GRIK4: variants seen among roughly 807,000 people sequenced by gnomAD.
The protein encoded by GRIK4 is glutamate receptor ionotropic, kainate 4.
In GRIK4, 40 loss-of-function variants were observed where a neutral mutation model predicts 104.9. The observed-to-expected ratio is 0.38, with a 90% CI of 0.30 to 0.50. The LOEUF (loss-of-function observed/expected upper bound fraction) is 0.50. Ranked by LOEUF, GRIK4 falls within the 20% of genes least tolerant of loss-of-function variation. The pLI is 0.93. For synonymous variants in GRIK4, 485 were observed against 524.9 expected, an observed-to-expected ratio of 0.92 and a Z score of 1.04; for missense variants, 1,047 against 1,308.1, an observed-to-expected ratio of 0.80 and a Z score of 3.08.
At chr11:120,617,752 T>A (rs1338845530) in intron 1 of GRIK4, among the ~76,000 whole-genome samples, 1 of 152,172 alleles carries the variant, frequency 6.6e-6, no homozygotes, top group Admixed American at 6.5e-5. Context: ...ACTCCTCCTT[T>A]GCCTTTGGCC....
intron 1 of GRIK4, among the ~76,000 whole-genome samples, chr11:120,556,906 C>T (rs1289167976): frequency 6.6e-6 from 1 of 152,146 alleles, no homozygotes; most frequent in Non-Finnish European, 1.5e-5. Context: ...TCCTTCCCCT[C>T]GCCTTGTCAC....
At chr11:120,517,823 G>A (rs1010746932) in intron 1 of GRIK4, among the ~76,000 whole-genome samples, 1 of 152,160 alleles carries the variant, frequency 6.6e-6, no homozygotes, top group Admixed American at 6.5e-5. Context: ...GCCTGGGAGC[G>A]TGACTAGGGA....
At chr11:120,949,611 G>A (rs899917387) in intron 14 of GRIK4, among the ~76,000 whole-genome samples, 9 of 152,220 alleles carry the variant, frequency 5.9e-5, no homozygotes, top group Admixed American at 3.9e-4. Flanking sequence ...AGTACTCTAA[G>A]GGGGTGTGTA....
At chr11:120,755,362 T>C (rs1283538102) in intron 3 of GRIK4, among the ~76,000 whole-genome samples, 1 of 152,094 alleles carries the variant, frequency 6.6e-6, no homozygotes, top group African/African-American at 2.4e-5. Flanking sequence ...ATCCCAGCAC[T>C]TTGGAGGCCG....
chr11:120,779,117 G>T (rs2135469637), intron 3 of GRIK4, among the ~76,000 whole-genome samples: 1 of 152,320 alleles, frequency 6.6e-6, no homozygotes, highest in African/African-American at 2.4e-5. Context: ...CTGCGAGAAA[G>T]ATGTGATTGA....
chr11:120,564,997 G>T (rs1469166630), intron 1 of GRIK4, among the ~76,000 whole-genome samples: 1 of 148,886 alleles, frequency 6.7e-6, no homozygotes, highest in African/African-American at 2.5e-5. Flanking sequence ...GGGGGGTGGG[G>T]TGTCCTGTGT....
chr11:120,536,570 C>T (rs1204667732), intron 1 of GRIK4, among the ~76,000 whole-genome samples: 1 of 152,146 alleles, frequency 6.6e-6, no homozygotes, highest in African/African-American at 2.4e-5. Context: ...CGCTTAGTCA[C>T]GTGACAGATA....
At chr11:120,572,870 T>TA (rs1199306886) in intron 1 of GRIK4, among the ~76,000 whole-genome samples, 2 of 152,126 alleles carry the variant, frequency 1.3e-5, no homozygotes, top group Non-Finnish European at 2.9e-5. Flanking sequence ...ATGACCCAAC[T>TA]AAGGCCATTA....
chr11:120,784,762 C>G (rs1206372302), intron 3 of GRIK4, among the ~76,000 whole-genome samples: 2 of 151,998 alleles, frequency 1.3e-5, no homozygotes, highest in Non-Finnish European at 2.9e-5. Context: ...CAGAGTCTGC[C>G]AGGCACCTAG....
chr11:120,609,669 C>T (rs1949009027), intron 1 of GRIK4, among the ~76,000 whole-genome samples: 2 of 151,742 alleles, frequency 1.3e-5, no homozygotes. Context: ...TGCGTGCCAC[C>T]TGCCTGGCTA....
At chr11:120,548,248 G>A (rs1478299344) in intron 1 of GRIK4, among the ~76,000 whole-genome samples, 3 of 152,152 alleles carry the variant, frequency 2.0e-5, no homozygotes, top group Admixed American at 6.5e-5. Context: ...TACAGCAGGA[G>A]TAGGACCCAG....
At chr11:120,554,848 C>T (rs549956623) in intron 1 of GRIK4, among the ~76,000 whole-genome samples, 16 of 152,156 alleles carry the variant, frequency 1.1e-4, no homozygotes, top group Admixed American at 2.0e-4. Context: ...CGTGAGCCAC[C>T]GCGCCTGGCC....
At chr11:120,587,272 G>A (rs1948678247) in intron 1 of GRIK4, among the ~76,000 whole-genome samples, 1 of 152,090 alleles carries the variant, frequency 6.6e-6, no homozygotes, top group Non-Finnish European at 1.5e-5. Flanking sequence ...GGGGTGAGAG[G>A]CCCCTGGGGA....
intron 3 of GRIK4, among the ~76,000 whole-genome samples, chr11:120,721,070 G>A (rs1950925362): frequency 6.6e-6 from 1 of 152,134 alleles, no homozygotes; most frequent in Non-Finnish European, 1.5e-5. Context: ...ACACTGGAGG[G>A]AAAGACATGC....
chr11:120,514,340 T>G (rs1947697989), intron 1 of GRIK4, among the ~76,000 whole-genome samples: 1 of 152,198 alleles, frequency 6.6e-6, no homozygotes, highest in African/African-American at 2.4e-5. Context: ...TGATCGCTCC[T>G]TACAGACAGC....
intron 3 of GRIK4, among the ~76,000 whole-genome samples, chr11:120,757,072 C>T (rs1015857040): frequency 1.3e-5 from 2 of 152,212 alleles, no homozygotes; most frequent in African/African-American, 2.4e-5. Context: ...GCAGCAGCAT[C>T]GTGGAGCTGC....
At chr11:120,573,394 G>C (rs1215927159) in intron 1 of GRIK4, among the ~76,000 whole-genome samples, 2 of 152,166 alleles carry the variant, frequency 1.3e-5, no homozygotes, top group African/African-American at 4.8e-5. Context: ...TGGCTGTTGA[G>C]GGGAAGCTGT....
intron 1 of GRIK4, among the ~76,000 whole-genome samples, chr11:120,553,284 C>G (rs1417415131): frequency 6.6e-6 from 1 of 152,076 alleles, no homozygotes; most frequent in Non-Finnish European, 1.5e-5. Context: ...TCTGAAGAGA[C>G]AGGGGAACAG....
intron 18 of GRIK4, among the ~76,000 whole-genome samples, chr11:120,964,948 T>C (rs1446904972): frequency 1.3e-5 from 2 of 152,200 alleles, no homozygotes. Context: ...TCCTATCAGC[T>C]AGAAAGGACA....
Sources: gnomAD v4.1 joint callset for allele counts (sites outside exome capture counted in the v4.1 genomes callset) on GRCh38, gnomAD v4.1.1 for gene constraint, MANE v1.5 for transcripts, NCBI Gene and HGNC (gene_info 2026-07-23, HGNC 2026-07-21) for gene names.